Variants in RIF1 observed in about 807,000 individuals in gnomAD.
RIF1 encodes the protein replication timing regulatory factor 1.
RIF1 carries 45 observed loss-of-function variants against 247.1 expected under a neutral mutation model. That is an observed-to-expected ratio of 0.18 (90% CI 0.14 to 0.23). The LOEUF (loss-of-function observed/expected upper bound fraction) is 0.23. RIF1 is among the 10% of genes least tolerant of loss of function. The probability of loss-of-function intolerance (pLI) is 1.00; values close to 1 mark genes in which losing one functional copy is unlikely to be tolerated. For synonymous variants in RIF1, 1,087 were observed against 978.8 expected (o/e 1.11, Z -2.06); for missense variants, 2,967 against 2,862.5 (o/e 1.04, Z -0.83).
chr2:151,497,571 T>C, intron 10 of RIF1: 3 of 1,536,508 alleles, frequency 2.0e-6, no homozygotes, highest in South Asian at 2.5e-5. Context: ...TTTTAAATCA[T>C]GAAAGTTTTC....
intron 12 of RIF1, chr2:151,503,585 C>A: frequency 1.8e-6 from 1 of 554,384 alleles, no homozygotes; most frequent in South Asian, 2.8e-5. Context: ...GGGAAAATTC[C>A]ATGAATATTT....
rs1217235799 is a variant in RIF1, at chr2:151,497,028, T to G, written c.*513+1702T>G. On this transcript the variant is annotated intron_variant and NMD_transcript_variant, in intron 10 of 13. Coordinates refer to the RIF1 transcript ENST00000454583. ...TTCCCTTGCCCATGTTTTCTTTGTA[T>G]AACACCTGTGCGATAAGAAAGCAAC... The G allele has an allele frequency of 1.3e-6, 2 of 1,568,442 alleles. No individual in the cohort carries two copies. The highest frequency in any genetic ancestry group is 1.7e-6 in the Non-Finnish European group (2 of 1,154,790).
At chr2:151,491,728 G>A (rs1038960610) in intron 9 of RIF1, 2 of 1,598,472 alleles carry the variant, frequency 1.3e-6, no homozygotes, top group Non-Finnish European at 1.7e-6. Flanking sequence ...TCTTCTGCTG[G>A]ATCATAGTCA....
Position 151,466,016 on chromosome 2 carries a change from C to G in RIF1, c.6496C>G (p.Gln2166Glu), listed in dbSNP as rs1696819402. The change falls in exon 30 of 36, where the codon CAG becomes GAG. Residue 2166 changes from glutamine to glutamate, a missense_variant. By Grantham distance (29) the Gln-to-Glu change is conservative (BLOSUM62 2). Transcript: ENST00000444746. ...AGCAAATGACAGTCCTAGTGGCATG[C>G]AGACACGCTGTGTCTGGTCTCCTTT... Reference protein sequence around the residue: ...VSANDSPSGMQTRCVWSPLAS... With the variant: ...VSANDSPSGMETRCVWSPLAS... The G allele has an allele frequency of 1.9e-6, 3 of 1,613,764 alleles. No individual in the cohort carries two copies.
intron 9 of RIF1, chr2:151,489,939 T>G: frequency 6.7e-7 from 1 of 1,496,014 alleles, no homozygotes; most frequent in Non-Finnish European, 9.3e-7. Context: ...AAATTAAGAA[T>G]AATTTATTTA....
chr2:151,410,650 C>T, intron 2 of RIF1, 123 bp downstream of exon 2: 1 of 793,832 alleles, frequency 1.3e-6, no homozygotes. Context: ...TGAGGACGCC[C>T]GAGTCGCGGA....
At chr2:151,418,285 A>G (rs544594552) in intron 6 of RIF1, among the ~76,000 whole-genome samples, 11 of 152,288 alleles carry the variant, frequency 7.2e-5, no homozygotes, top group African/African-American at 1.4e-4. Flanking sequence ...GCTCTCTGCA[A>G]TCTCTACCTC....
At chr2:151,420,097 G>A (rs137996455) in intron 6 of RIF1, 93 bp from the exon 7 acceptor site, 36 of 1,021,830 alleles carry the variant, frequency 3.5e-5, no homozygotes, top group African/African-American at 2.3e-4. Context: ...CAAATGGGCC[G>A]TACTGTGTAT....
At chr2:151,451,559 C>A (rs1273433691) in intron 20 of RIF1, 47 bp from the exon 21 acceptor site, 1 of 902,806 alleles carries the variant, frequency 1.1e-6, no homozygotes, top group Non-Finnish European at 1.9e-6. Flanking sequence ...TTGTTGAATA[C>A]TGTCCCAGTA....
At position 151,481,563 on chromosome 2, in the gene RIF1, T is replaced by C. The variant is rs2049168975; in HGVS notation, c.*6492T>C. The C allele has an allele frequency of 6.6e-6, 1 of 152,258 alleles. No homozygotes were observed. The highest frequency in any genetic ancestry group is 1.5e-5 in the Non-Finnish European group (1 of 68,050). The allele number at this position is 152,258 out of a possible 1,614,324, so 9.4% of individuals were successfully genotyped here. On this transcript the variant is annotated 3_prime_UTR_variant, in exon 36 of 36. Coordinates refer to ENST00000444746, the MANE Select transcript of RIF1 (RefSeq NM_018151.5). ...CTCTAATATTGTTGTCCCGATCATT[T>C]GGTAAACGCTAAGAGAGCTTAGTTT...
Position 151,445,385 on chromosome 2 carries a change from C to T in RIF1, c.2034C>T (p.Ala678=). 6.2e-7 allele frequency: 1 copy of T among 1,610,288 alleles called. No homozygotes were observed. Among genetic ancestry groups the T allele is most frequent in the East Asian group, 2.2e-5 (1 of 44,814 alleles). ...ATGCCTTAGAACATAATTTTAGTGC[C>T]ATCTATGGTGCATTGACTTTACCAG... The part of the protein sequence containing the change: ...QGDALEHNFS[A]IYGALTLPVN... Residue 678 remains alanine, a synonymous_variant, in exon 19 of 36, where the codon GCC becomes GCT. Coordinates refer to ENST00000444746, the MANE Select transcript of RIF1 (RefSeq NM_018151.5).
the RIF1 span, chr2:151,513,683 T>G: frequency 6.3e-7 from 1 of 1,598,492 alleles, no homozygotes; most frequent in East Asian, 2.2e-5. Context: ...CAGGTCTCGC[T>G]TATATTCTTT....
chr2:151,476,463 T>C lies in RIF1; in HGVS notation c.*1392T>C, dbSNP rs1372562492. ...TGAGTGAGTGATCTCAGTTTTCACA[T>C]TTTATTCAGAAGCTAATCCCTACTT... On this transcript the variant is annotated 3_prime_UTR_variant, in exon 36 of 36. Transcript: ENST00000444746. 6.6e-6 allele frequency: 1 copy of C among 152,186 alleles called. No individual in the cohort carries two copies. Among genetic ancestry groups the C allele is most frequent in the Admixed American group, 6.5e-5 (1 of 15,272 alleles). The allele number at this position is 152,186 out of a possible 1,614,324, so 9.4% of individuals were successfully genotyped here.
intron 33 of RIF1, among the ~76,000 whole-genome samples, 192 bp from the exon 34 acceptor site, chr2:151,469,519 C>T (rs185868016): frequency 8.7e-4 from 133 of 152,254 alleles, no homozygotes; most frequent in Middle Eastern, 6.8e-3. Context: ...GTTGCCAGTA[C>T]TGTTGCTTAT....
intron 6 of RIF1, among the ~76,000 whole-genome samples, chr2:151,417,147 C>T (rs1687340619): frequency 3.3e-5 from 5 of 152,110 alleles, no homozygotes. Context: ...CTGCTAGTAA[C>T]ATACACAGTT....
At chr2:151,411,928 A>G (rs1453570523) in intron 3 of RIF1, among the ~76,000 whole-genome samples, 1 of 152,248 alleles carries the variant, frequency 6.6e-6, no homozygotes, top group Non-Finnish European at 1.5e-5. Context: ...AAAGTTGCCT[A>G]GGGGCACTTG....
At chr2:151,509,268 C>T (rs2071970049), downstream of RIF1, among the ~76,000 whole-genome samples, 1 of 152,132 alleles carries the variant, frequency 6.6e-6, no homozygotes. Flanking sequence ...TCATCATGAA[C>T]AAATGTTTTG....
At chr2:151,533,610 T>C in the RIF1 span, 3 of 1,022,850 alleles carry the variant, frequency 2.9e-6, no homozygotes, top group Non-Finnish European at 4.5e-6. Context: ...AACACGGCTC[T>C]ATATCCCAAT....
At chr2:151,534,292 G>A in the RIF1 span, 69 of 1,613,416 alleles carry the variant, frequency 4.3e-5, no homozygotes, top group East Asian at 1.1e-3. Flanking sequence ...TTATCTTTCC[G>A]CTGCTCATAA....
Sources: gnomAD v4.1 joint callset for allele counts (sites outside exome capture counted in the v4.1 genomes callset) on GRCh38, gnomAD v4.1.1 for gene constraint, MANE v1.5 for transcripts, NCBI Gene and HGNC (gene_info 2026-07-23, HGNC 2026-07-21) for gene names.